Variants in LIPC observed in about 807,000 individuals in gnomAD.
LIPC encodes lipase C, hepatic type.
LIPC carries 44 observed loss-of-function variants against 50.7 expected under a neutral mutation model. The ratio of observed to expected loss-of-function variants is 0.87; its 90% confidence interval spans 0.68 to 1.11. The LOEUF is 1.11. LIPC is among the 50% of genes most tolerant of loss of function. The pLI is 0.00. For missense variants in LIPC, 697 were observed against 648.2 expected (o/e 1.08, Z -0.82); for synonymous variants, 271 against 256.4 (o/e 1.06, Z -0.54).
At chr15:58,464,862 A>G (rs1340308427) in intron 1 of LIPC, among the ~76,000 whole-genome samples, 2 of 152,166 alleles carry the variant, frequency 1.3e-5, no homozygotes, top group Admixed American at 1.3e-4. Context: ...AGTCCCAGCT[A>G]CTCAGGAGAC....
At chr15:58,548,968 C>G (rs56176178) in intron 6 of LIPC, among the ~76,000 whole-genome samples, 16,536 of 152,150 alleles carry the variant, frequency 0.11, 1,258 homozygotes, top group Non-Finnish European at 0.16. Context: ...TTCACGGCCC[C>G]CATGAAAAAA....
chr15:58,557,379 CTTTTTTTTT>C (rs386383140), intron 6 of LIPC, among the ~76,000 whole-genome samples: 11 of 75,700 alleles, frequency 1.5e-4, no homozygotes, highest in Non-Finnish European at 1.1e-4. Context: ...ATTATATGCT[CTTTTTTTTT>C]TTTTTTTTTT....
intron 1 of LIPC, among the ~76,000 whole-genome samples, chr15:58,441,169 C>A (rs1297242317): frequency 6.6e-6 from 1 of 152,206 alleles, no homozygotes; most frequent in African/African-American, 2.4e-5. Context: ...TGGCCCTACA[C>A]CCGCAAACAC....
At chr15:58,514,687 G>C (rs1163662488) in intron 1 of LIPC, among the ~76,000 whole-genome samples, 1 of 152,176 alleles carries the variant, frequency 6.6e-6, no homozygotes, top group Non-Finnish European at 1.5e-5. Context: ...AGCCAGGCAT[G>C]GTGGTGCACA....
chr15:58,496,669 C>A (rs187978248), intron 1 of LIPC, among the ~76,000 whole-genome samples: 3 of 148,432 alleles, frequency 2.0e-5, no homozygotes, highest in East Asian at 4.0e-4. Context: ...CTTAATTATG[C>A]GTTAGCACAA....
intron 1 of LIPC, among the ~76,000 whole-genome samples, chr15:58,514,721 G>A (rs143352308): frequency 0.019 from 2,930 of 152,266 alleles, 99 homozygotes; most frequent in African/African-American, 0.067. Context: ...CTACTTCGGA[G>A]GCTGAGGCAG....
intron 1 of LIPC, among the ~76,000 whole-genome samples, chr15:58,519,988 A>T (rs1429679078): frequency 3.3e-5 from 5 of 152,136 alleles, no homozygotes; most frequent in Non-Finnish European, 7.3e-5. Flanking sequence ...GAAATAAACA[A>T]ATGCAAGGGT....
intron 1 of LIPC, among the ~76,000 whole-genome samples, chr15:58,484,479 A>T (rs1285899135): frequency 6.6e-6 from 1 of 152,252 alleles, no homozygotes; most frequent in African/African-American, 2.4e-5. Context: ...CTTCTACAGC[A>T]CCTACTATGG....
chr15:58,560,552 CAGAACTTGCATCT>C (rs1894125320), intron 6 of LIPC, among the ~76,000 whole-genome samples: 1 of 152,208 alleles, frequency 6.6e-6, no homozygotes, highest in African/African-American at 2.4e-5. Context: ...AATATTACAG[CAGAACTTGCATCT>C]AGAACTCAGT....
intron 1 of LIPC, among the ~76,000 whole-genome samples, chr15:58,433,161 T>C (rs1386675263): frequency 1.3e-5 from 2 of 152,348 alleles, no homozygotes; most frequent in East Asian, 1.9e-4. Flanking sequence ...CATCCAAAAA[T>C]GACCCTTACA....
At chr15:58,451,284 G>A (rs41292484) in intron 1 of LIPC, among the ~76,000 whole-genome samples, 8,119 of 152,214 alleles carry the variant, frequency 0.053, 732 homozygotes, top group African/African-American at 0.19. Context: ...TGTATTCGTT[G>A]AGACTTTGGG....
chr15:58,446,163 G>A (rs1203830035), intron 1 of LIPC, among the ~76,000 whole-genome samples: 2 of 152,136 alleles, frequency 1.3e-5, no homozygotes, highest in African/African-American at 4.8e-5. Context: ...TGAAAGTTGT[G>A]GACATCATGA....
chr15:58,487,949 T>C (rs147721873), intron 1 of LIPC, among the ~76,000 whole-genome samples: 26 of 152,282 alleles, frequency 1.7e-4, no homozygotes, highest in African/African-American at 6.3e-4. Context: ...GGCAAGCCAC[T>C]ACTCAACTCT....
intron 1 of LIPC, among the ~76,000 whole-genome samples, chr15:58,501,642 G>C (rs201254274): frequency 6.6e-6 from 1 of 152,076 alleles, no homozygotes; most frequent in African/African-American, 2.4e-5. Context: ...ACAAGGAAGA[G>C]TACATTAACT....
chr15:58,551,880 T>C (rs1287396087), intron 6 of LIPC, among the ~76,000 whole-genome samples: 1 of 152,218 alleles, frequency 6.6e-6, no homozygotes, highest in Non-Finnish European at 1.5e-5. Context: ...CCAAGATATT[T>C]CGACAAAACC....
intron 8 of LIPC, chr15:58,566,599 G>T: frequency 2.9e-6 from 1 of 345,990 alleles, no homozygotes; most frequent in Non-Finnish European, 4.1e-6. Flanking sequence ...TAAGTAACTT[G>T]CTCTGTGCCT....
At chr15:58,567,062 C>T (rs529610227) in intron 8 of LIPC, among the ~76,000 whole-genome samples, 105 of 151,498 alleles carry the variant, frequency 6.9e-4, no homozygotes, top group Non-Finnish European at 7.4e-4. Flanking sequence ...ATTAGCCGGG[C>T]GTGGTGGCGC....
chr15:58,543,970 T>C lies in LIPC; in HGVS notation c.574+1319T>C, dbSNP rs183946271. 9.2e-5 allele frequency among the ~76,000 whole-genome samples: 14 copies of C among 152,342 alleles called. No individual in the cohort carries two copies. The East Asian group carries it at 2.7e-3, about 29-fold the overall frequency. On this transcript the variant is annotated intron_variant, in intron 4 of 8. Coordinates refer to ENST00000299022, the MANE Select transcript of LIPC (RefSeq NM_000236.3). Reference sequence around the variant, plus strand: ...ACTATCTGCTATTACCATTCCTTTATAAAAGAATTTCTTTTAACTTGAGAA... The same window carrying C: ...ACTATCTGCTATTACCATTCCTTTACAAAAGAATTTCTTTTAACTTGAGAA...
intron 1 of LIPC, among the ~76,000 whole-genome samples, chr15:58,474,108 C>T (rs1408184734): frequency 6.6e-6 from 1 of 152,206 alleles, no homozygotes; most frequent in African/African-American, 2.4e-5. Context: ...CATCAAGCAA[C>T]CAACCCTCCT....
Sources: gnomAD v4.1 joint callset for allele counts (sites outside exome capture counted in the v4.1 genomes callset) on GRCh38, gnomAD v4.1.1 for gene constraint, MANE v1.5 for transcripts, NCBI Gene and HGNC (gene_info 2026-07-23, HGNC 2026-07-21) for gene names.